BMX: variants seen among roughly 807,000 people sequenced by gnomAD.
BMX encodes the protein BMX non-receptor tyrosine kinase, also known as cytoplasmic tyrosine-protein kinase BMX.
BMX carries 31 observed loss-of-function variants against 59.2 expected under a neutral mutation model. That is an observed-to-expected ratio of 0.52 (90% confidence interval 0.39 to 0.71). BMX has a LOEUF of 0.71. Among genes scored for constraint, BMX ranks in the 30% least tolerant of loss-of-function variants. The pLI is 0.00. For missense variants in BMX, 474 were observed against 491.7 expected, an observed-to-expected ratio of 0.96 and a Z score of 0.34; for synonymous variants, 185 against 181.0, an observed-to-expected ratio of 1.02 and a Z score of -0.18.
At position 15,536,364 on chromosome X, in the gene BMX, C is replaced by T. The variant is rs767793685; in HGVS notation, c.1159C>T (p.Arg387Trp). 5.1e-5 allele frequency: 61 copies of T among 1,206,863 alleles called. No individual in the cohort carries two copies. Among genetic ancestry groups the T allele is most frequent in the Non-Finnish European group, 6.6e-5 (59 of 893,605 alleles). The change falls in exon 13 of 19, where the codon CGG becomes TGG. Residue 387 changes from arginine to tryptophan, a missense_variant. Coordinates refer to ENST00000348343, the MANE Select transcript of BMX (RefSeq NM_203281.3). ...HQHNSAGMIT[R>W]LRHPVSTKAN... ...TGATTCCATTGCAGGCATGATCACA[C>T]GGCTCCGCCACCCTGTGTCAACAAA...
chrX:15,517,554 A>G (rs1476276263), intron 5 of BMX, among the ~76,000 whole-genome samples: 1 of 112,416 alleles, frequency 8.9e-6, no homozygotes, highest in East Asian at 2.8e-4. Context: ...GGAAAACTAC[A>G]GAGTGTAGAG....
At chrX:15,556,022 A>G in intron 18 of BMX, 51 bp from the exon 19 acceptor site, 5 of 1,074,715 alleles carry the variant, frequency 4.7e-6, no homozygotes, top group Non-Finnish European at 6.3e-6. Context: ...TTTATCATTG[A>G]TCATAACTCT....
At chrX:15,537,619 C>T (rs771474762) in intron 14 of BMX, among the ~76,000 whole-genome samples, 37 of 111,367 alleles carry the variant, frequency 3.3e-4, no homozygotes, top group Non-Finnish European at 6.2e-4. Context: ...TCCCCTCATA[C>T]CCAACTCCGT....
chrX:15,551,508 A>G (rs1353961596), intron 18 of BMX, among the ~76,000 whole-genome samples: 1 of 104,962 alleles, frequency 9.5e-6, no homozygotes, highest in Non-Finnish European at 1.9e-5. Context: ...TTTTTCTGTT[A>G]TTAATATTGT....
chrX:15,527,277 TATATATACAC>T (rs1569224753), intron 9 of BMX, among the ~76,000 whole-genome samples: 10 of 49,423 alleles, frequency 2.0e-4, no homozygotes, highest in African/African-American at 8.4e-4. Context: ...TATATATATA[TATATATACAC>T]ACACACACAC....
chrX:15,544,411 G>GA (rs1173896105), intron 16 of BMX, among the ~76,000 whole-genome samples: 96 of 107,254 alleles, frequency 9.0e-4, no homozygotes, highest in South Asian at 2.8e-3. Flanking sequence ...TCAAGAGCAA[G>GA]AAAAAAAAAA....
At chrX:15,546,012 A>T (rs1925929733) in intron 16 of BMX, among the ~76,000 whole-genome samples, 1 of 112,448 alleles carries the variant, frequency 8.9e-6, no homozygotes, top group Non-Finnish European at 1.9e-5. Flanking sequence ...TTTTGCACAT[A>T]ACCATATACC....
chrX:15,519,310 A>C (rs7881315), intron 6 of BMX, among the ~76,000 whole-genome samples: 1 of 111,997 alleles, frequency 8.9e-6, no homozygotes, highest in Non-Finnish European at 1.9e-5. Context: ...CATAATTTTC[A>C]TGAATCAACA....
intron 1 of BMX, 30 bp from the exon 2 acceptor site, chrX:15,508,315 A>T: frequency 9.7e-7 from 1 of 1,033,034 alleles, no homozygotes; most frequent in South Asian, 2.5e-5. Context: ...GATGCTGCAA[A>T]TACTCATTTT....
chrX:15,525,295 A>G lies in BMX; in HGVS notation c.760A>G (p.Ser254Gly), dbSNP rs764236706. Residue 254 changes from serine to glycine, a missense_variant, in exon 8 of 19, where the codon AGC becomes GGC. Physicochemically the swap from Ser to Gly is moderately conservative, Grantham distance 56. Coordinates refer to ENST00000348343, the MANE Select transcript of BMX (RefSeq NM_203281.3). The part of the protein sequence containing the change: ...WQVRKLKSSS[S>G]SEDVASSNQK... ...AATGTCTCTTTTTTGCAGTAGCAGC[A>G]GCAGTGAAGATGTTGCAAGCAGTAA... 8.3e-7 allele frequency: 1 copy of G among 1,209,270 alleles called. No homozygotes were observed. The highest frequency in any genetic ancestry group is 1.8e-5 in the South Asian group (1 of 56,568).
At chrX:15,530,633 G>A (rs183810161) in intron 10 of BMX, among the ~76,000 whole-genome samples, 1,149 of 111,834 alleles carry the variant, frequency 0.01, 16 homozygotes, top group African/African-American at 0.035. Context: ...ATGATTTATC[G>A]GAGGCCGTCA....
intron 7 of BMX, among the ~76,000 whole-genome samples, chrX:15,523,452 T>A (rs984289960): frequency 2.7e-5 from 3 of 112,560 alleles, no homozygotes; most frequent in Non-Finnish European, 5.6e-5. Context: ...TACTGAAAGT[T>A]TCAATAATAC....
At chrX:15,516,043 C>T in intron 4 of BMX, 69 bp from the exon 5 acceptor site, 1 of 1,180,412 alleles carries the variant, frequency 8.5e-7, no homozygotes, top group Non-Finnish European at 1.1e-6. Context: ...GATAACAGCA[C>T]TTACTGAATG....
intron 9 of BMX, among the ~76,000 whole-genome samples, chrX:15,527,349 C>G (rs1261245565): frequency 9.7e-6 from 1 of 103,237 alleles, no homozygotes; most frequent in Non-Finnish European, 2.0e-5. Context: ...ATAAAAATTA[C>G]ACCTGGACAT....
At chrX:15,550,059 T>A in intron 18 of BMX, 62 bp downstream of exon 18, 3 of 1,138,712 alleles carry the variant, frequency 2.6e-6, no homozygotes, top group Non-Finnish European at 3.5e-6. Context: ...GATTACTGCA[T>A]CACCACTGGG....
intron 18 of BMX, among the ~76,000 whole-genome samples, chrX:15,553,976 C>T (rs1926313546): frequency 8.9e-6 from 1 of 112,344 alleles, no homozygotes; most frequent in Admixed American, 9.4e-5. Flanking sequence ...TAAAACATTG[C>T]ACCTAATGAG....
At chrX:15,520,361 G>T (rs1324029984) in intron 6 of BMX, among the ~76,000 whole-genome samples, 1 of 111,977 alleles carries the variant, frequency 8.9e-6, no homozygotes, top group African/African-American at 3.2e-5. Context: ...GGTGATCAGT[G>T]GTTGCCTGGG....
chrX:15,505,898 T>C (rs1044900049), intron 1 of BMX, among the ~76,000 whole-genome samples: 8 of 111,700 alleles, frequency 7.2e-5, no homozygotes, highest in African/African-American at 2.6e-4. Context: ...CACATAAAAG[T>C]TTTATTTTTC....
intron 14 of BMX, among the ~76,000 whole-genome samples, chrX:15,541,108 C>T (rs1036379621): frequency 9.1e-6 from 1 of 109,411 alleles, no homozygotes; most frequent in African/African-American, 3.3e-5. Flanking sequence ...AGAAGAATCA[C>T]ACTTTACAAG....
Sources: allele counts gnomAD v4.1 joint callset (sites outside exome capture counted in the v4.1 genomes callset), GRCh38; gene constraint gnomAD v4.1.1; transcripts MANE v1.5; gene names NCBI Gene and HGNC (gene_info 2026-07-23, HGNC 2026-07-21).